Variants in SRRM3 observed in about 807,000 individuals in gnomAD.
SRRM3 encodes the protein serine/arginine repetitive matrix 3.
SRRM3 carries 27 observed loss-of-function variants against 66.2 expected under a neutral mutation model. The ratio of observed to expected loss-of-function variants is 0.41; its 90% confidence interval spans 0.30 to 0.56. The LOEUF is 0.56. Among genes scored for constraint, SRRM3 ranks in the 20% least tolerant of loss-of-function variants. SRRM3 has a pLI of 0.32. For synonymous variants in SRRM3, 391 were observed against 414.9 expected (o/e 0.94, Z 0.70); for missense variants, 918 against 991.9 (o/e 0.93, Z 1.00).
chr7:76,253,713 G>T (rs960785245), intron 3 of SRRM3, among the ~76,000 whole-genome samples: 8 of 151,182 alleles, frequency 5.3e-5, no homozygotes, highest in Admixed American at 3.3e-4. Flanking sequence ...CTTCTCGGGA[G>T]GCTGAGGCAG....
chr7:76,283,765 G>T, intron 14 of SRRM3: 1 of 985,322 alleles, frequency 1.0e-6, no homozygotes, highest in Non-Finnish European at 1.2e-6. Context: ...GCTGTGCCCA[G>T]GGCGTGGCTG....
At chr7:76,270,610 G>A (rs1256289782) in intron 11 of SRRM3, among the ~76,000 whole-genome samples, 3 of 151,800 alleles carry the variant, frequency 2.0e-5, no homozygotes, top group African/African-American at 7.3e-5. Flanking sequence ...TCAGGAGTTC[G>A]AGACCAGCCT....
chr7:76,212,825 G>A (rs998280384), intron 1 of SRRM3, among the ~76,000 whole-genome samples: 8 of 151,910 alleles, frequency 5.3e-5, no homozygotes, highest in Non-Finnish European at 8.8e-5. Context: ...GTTGAGAACC[G>A]GTGCCTCATC....
intron 2 of SRRM3, 103 bp downstream of exon 2, chr7:76,235,402 G>A: frequency 9.6e-7 from 1 of 1,038,920 alleles, no homozygotes; most frequent in Non-Finnish European, 1.3e-6. Context: ...CGTGGGCGGG[G>A]AGAAGGGCGG....
chr7:76,286,552 G>C lies in SRRM3; in HGVS notation c.*709G>C, dbSNP rs574990548. 6.6e-6 allele frequency: 1 copy of C among 152,574 alleles called. No individual in the cohort carries two copies. The highest frequency in any genetic ancestry group is 1.9e-4 in the East Asian group (1 of 5,182). The allele number at this position is 152,574 out of a possible 1,614,324, so 9.5% of individuals were successfully genotyped here. ...CTGGGGAGCTAGGCACCTCACTCTT[G>C]GTCTGACCTCTCCAGGCCAGGCTCT... is the stretch of plus-strand genomic sequence containing the variant. On this transcript the variant is annotated 3_prime_UTR_variant, in exon 15 of 15. Coordinates refer to ENST00000611745, the MANE Select transcript of SRRM3 (RefSeq NM_001110199.3).
intron 12 of SRRM3, among the ~76,000 whole-genome samples, chr7:76,282,312 C>T (rs1376735270): frequency 7.0e-6 from 1 of 143,296 alleles, no homozygotes; most frequent in Admixed American, 6.9e-5. Flanking sequence ...TTATCCTGAC[C>T]CCTCCCCACA....
chr7:76,265,316 A>AAG, intron 9 of SRRM3, 48 bp from the exon 10 acceptor site: 1 of 1,458,122 alleles, frequency 6.9e-7, no homozygotes, highest in South Asian at 1.3e-5. Context: ...TGGGGGGATC[A>AAG]CGGGGGGCAG....
chr7:76,262,822 A>G (rs1002425359), intron 8 of SRRM3, among the ~76,000 whole-genome samples: 4 of 151,274 alleles, frequency 2.6e-5, no homozygotes, highest in Non-Finnish European at 4.4e-5. Flanking sequence ...TCTCAAAAAA[A>G]AGAAAGAAAG....
intron 14 of SRRM3, among the ~76,000 whole-genome samples, chr7:76,284,138 G>T (rs1317856590): frequency 3.3e-5 from 5 of 151,450 alleles, no homozygotes; most frequent in Admixed American, 2.6e-4. Flanking sequence ...AAGCCAGACC[G>T]CCTTGAAGGA....
chr7:76,239,793 A>C (rs1801237406), intron 2 of SRRM3, among the ~76,000 whole-genome samples: 1 of 152,218 alleles, frequency 6.6e-6, no homozygotes, highest in Non-Finnish European at 1.5e-5. Flanking sequence ...TAATCCCAGT[A>C]CTTTGGCAGG....
intron 3 of SRRM3, among the ~76,000 whole-genome samples, chr7:76,254,464 A>G (rs563515627): frequency 6.6e-5 from 10 of 152,224 alleles, no homozygotes; most frequent in Admixed American, 4.6e-4. Flanking sequence ...GATTACAAGC[A>G]TGTCCTACCA....
chr7:76,221,359 C>CTTTT lies in SRRM3; in HGVS notation c.-39-13651_-39-13648dup, dbSNP rs781915041. On this transcript the variant is annotated intron_variant, in intron 1 of 14. Transcript: ENST00000611745. The stretch of plus-strand genomic sequence containing the variant: ...TTTGAGCCACTGGGCCTGCCCTCCT[C>CTTTT]TTTTTTTTTTTTTTTTTTTTTGAGA... 1.9e-4 allele frequency among the ~76,000 whole-genome samples: 18 copies of CTTTT among 95,354 alleles called. No homozygotes were observed. In the South Asian group the frequency reaches 3.8e-3, roughly 20 times the overall value. The allele number at this position is 95,354 out of a possible 152,430, so 62.6% of individuals were successfully genotyped here.
In SRRM3 at chr7:76,214,463, A is replaced by G. The variant is rs141765161; in HGVS notation, c.-40+12396A>G. ...GATTAATTGACATTAATTGGTTACC[A>G]TTTGTCAAGGACCTTGAAAAGCTGT... On this transcript the variant is annotated intron_variant, in intron 1 of 14. Coordinates refer to ENST00000611745, the MANE Select transcript of SRRM3 (RefSeq NM_001110199.3). Among the ~76,000 whole-genome samples, 105 of 152,292 alleles carry G rather than the reference A, an allele frequency of 6.9e-4. No homozygotes were observed. The Middle Eastern group carries it at 0.01, about 15-fold the overall frequency.
chr7:76,233,038 C>A (rs1326094596), intron 1 of SRRM3, among the ~76,000 whole-genome samples: 2 of 151,980 alleles, frequency 1.3e-5, no homozygotes, highest in Non-Finnish European at 2.9e-5. Flanking sequence ...CGCGGTGGCT[C>A]ACGCCTGTAA....
intron 1 of SRRM3, among the ~76,000 whole-genome samples, chr7:76,208,115 A>G (rs1800344228): frequency 6.6e-6 from 1 of 152,102 alleles, no homozygotes; most frequent in Non-Finnish European, 1.5e-5. Flanking sequence ...GGATTGAGGT[A>G]AGGATTTGCC....
chr7:76,216,867 G>A (rs1800582680), intron 1 of SRRM3, among the ~76,000 whole-genome samples: 3 of 152,206 alleles, frequency 2.0e-5, no homozygotes, highest in South Asian at 2.1e-4. Context: ...CGATGGGAAA[G>A]TCAGTGATGC....
At chr7:76,260,429 T>C (rs1583919566) in intron 5 of SRRM3, among the ~76,000 whole-genome samples, 1 of 8,626 alleles carries the variant, frequency 1.2e-4, no homozygotes. Context: ...GCCCCTCCCC[T>C]TCGCTAGGTT....
intron 1 of SRRM3, among the ~76,000 whole-genome samples, chr7:76,204,294 A>T (rs145045868): frequency 2.0e-5 from 3 of 152,060 alleles, no homozygotes; most frequent in African/African-American, 7.2e-5. Context: ...AGGGGCACCA[A>T]TGGGGAGGTT....
intron 14 of SRRM3, 22 bp downstream of exon 14, chr7:76,283,123 C>G (rs1802571923): frequency 7.8e-6 from 11 of 1,403,028 alleles, no homozygotes; most frequent in African/African-American, 3.0e-5. Context: ...CTTGGGGGGG[C>G]CGGTGGCGCA....
Sources: allele counts gnomAD v4.1 joint callset (sites outside exome capture counted in the v4.1 genomes callset), GRCh38; gene constraint gnomAD v4.1.1; transcripts MANE v1.5; gene names NCBI Gene and HGNC (gene_info 2026-07-23, HGNC 2026-07-21).